STX8: variants seen among roughly 807,000 people sequenced by gnomAD.
STX8 encodes syntaxin 8, also known as syntaxin-8.
Under a neutral mutation model 37.5 loss-of-function variants are expected in STX8, and 23 were observed. The ratio of observed to expected loss-of-function variants is 0.61; its 90% CI spans 0.44 to 0.87. The LOEUF (loss-of-function observed/expected upper bound fraction) is 0.87, where lower values mean the gene tolerates loss of function less well. Ranked by LOEUF, STX8 falls within the 40% of genes least tolerant of loss-of-function variation. The probability of loss-of-function intolerance (pLI) is 0.00; values close to 1 mark genes in which losing one functional copy is unlikely to be tolerated. For synonymous variants in STX8, 115 were observed against 99.1 expected, an observed-to-expected ratio of 1.16 and a Z score of -0.95; for missense variants, 313 against 284.7, an observed-to-expected ratio of 1.10 and a Z score of -0.71.
At chr17:9,493,591 G>C (rs757077152) in intron 5 of STX8, among the ~76,000 whole-genome samples, 13 of 152,180 alleles carry the variant, frequency 8.5e-5, no homozygotes, top group Non-Finnish European at 1.3e-4. Context: ...GCACCACGGG[G>C]GCTTCTGTGA....
chr17:9,368,873 G>A (rs556408943), intron 7 of STX8, among the ~76,000 whole-genome samples: 24 of 151,186 alleles, frequency 1.6e-4, no homozygotes, highest in African/African-American at 5.8e-4. Context: ...GTGATTTACA[G>A]CATGTGTCCC....
chr17:9,472,864 C>A lies in STX8; in HGVS notation c.541+18965G>T, dbSNP rs573164068. On this transcript the variant is annotated intron_variant, in intron 6 of 7. Transcript: ENST00000306357. ...CTTTCTAGTTAGATGGCTTCTCAGC[C>A]TGGCTGCGTGGCCAGGGTCAAGACC... Among the ~76,000 whole-genome samples the A allele has an allele frequency of 1.6e-4, 25 of 152,294 alleles. No homozygotes were observed. The South Asian group carries it at 5.2e-3, about 32-fold the overall frequency.
At chr17:9,452,711 A>G (rs2142404612) in intron 6 of STX8, among the ~76,000 whole-genome samples, 1 of 152,276 alleles carries the variant, frequency 6.6e-6, no homozygotes, top group African/African-American at 2.4e-5. Flanking sequence ...CTCAATGTAT[A>G]AACTTCTACA....
At chr17:9,532,177 T>G (rs75384041) in intron 4 of STX8, among the ~76,000 whole-genome samples, 1 of 150,208 alleles carries the variant, frequency 6.7e-6, no homozygotes, top group Admixed American at 6.6e-5. Flanking sequence ...AAAAAAAAAA[T>G]CCGGACTAAG....
chr17:9,303,213 C>T (rs1288590033), intron 7 of STX8, among the ~76,000 whole-genome samples: 1 of 152,142 alleles, frequency 6.6e-6, no homozygotes, highest in Non-Finnish European at 1.5e-5. Context: ...ATCGCTTGAA[C>T]CCAGGAGGCG....
chr17:9,305,743 T>TTTTTC (rs1419341241), intron 7 of STX8: 1 of 139,646 alleles, frequency 7.2e-6, no homozygotes, highest in African/African-American at 3.0e-5. Context: ...TGCATCTTTT[T>TTTTTC]TTTTTTTTTT....
At chr17:9,570,767 C>A (rs933690465) in intron 1 of STX8, among the ~76,000 whole-genome samples, 27 of 152,040 alleles carry the variant, frequency 1.8e-4, no homozygotes, top group Non-Finnish European at 2.9e-5. Flanking sequence ...TTGCCTCCTG[C>A]CAAATGTGGG....
At chr17:9,285,469 C>T (rs910321827) in intron 7 of STX8, among the ~76,000 whole-genome samples, 1 of 151,996 alleles carries the variant, frequency 6.6e-6, no homozygotes, top group African/African-American at 2.4e-5. Flanking sequence ...ACCTGAGGCC[C>T]TGGACTGCTG....
At chr17:9,253,284 G>GGT (rs1209714584) in intron 7 of STX8, among the ~76,000 whole-genome samples, 1 of 150,100 alleles carries the variant, frequency 6.7e-6, no homozygotes, top group African/African-American at 2.5e-5. Context: ...TAGGGATACG[G>GGT]GTGTGTGTGT....
intron 7 of STX8, among the ~76,000 whole-genome samples, chr17:9,287,336 C>T (rs1302934083): frequency 1.3e-5 from 2 of 152,154 alleles, no homozygotes; most frequent in African/African-American, 4.8e-5. Flanking sequence ...CCTGCCACCA[C>T]CGCACACAAT....
chr17:9,262,960 A>G (rs1289573024), intron 7 of STX8, among the ~76,000 whole-genome samples: 1 of 152,186 alleles, frequency 6.6e-6, no homozygotes, highest in African/African-American at 2.4e-5. Context: ...ATCAGCAAAA[A>G]TCACCAGTTG....
intron 7 of STX8, among the ~76,000 whole-genome samples, chr17:9,333,647 C>A (rs1284377789): frequency 6.6e-6 from 1 of 152,168 alleles, no homozygotes; most frequent in Non-Finnish European, 1.5e-5. Flanking sequence ...CCTTGGCCTC[C>A]CAAAGTGCTC....
intron 6 of STX8, among the ~76,000 whole-genome samples, chr17:9,441,536 C>T (rs1904653458): frequency 6.6e-6 from 1 of 151,852 alleles, no homozygotes; most frequent in Admixed American, 6.6e-5. Flanking sequence ...ATCCTTTGAC[C>T]TTGTTAATCA....
chr17:9,493,986 ATGTTTTGTTTTTTTT>A (rs1205139143), intron 5 of STX8, among the ~76,000 whole-genome samples: 55 of 3,402 alleles, frequency 0.016, no homozygotes, highest in African/African-American at 0.034. Flanking sequence ...AGAAGTTCAT[ATGTTTTGTTTTTTTT>A]TGTTTTGTTT....
chr17:9,459,294 G>A (rs942605124), intron 6 of STX8, among the ~76,000 whole-genome samples: 3 of 152,200 alleles, frequency 2.0e-5, no homozygotes, highest in Non-Finnish European at 2.9e-5. Flanking sequence ...GAGCCTGGAC[G>A]AGGGCCCCCA....
intron 2 of STX8, among the ~76,000 whole-genome samples, chr17:9,563,111 G>C (rs1907309369): frequency 6.6e-6 from 1 of 151,974 alleles, no homozygotes; most frequent in African/African-American, 2.4e-5. Flanking sequence ...TAAGTGAAAA[G>C]ACCAAGATAC....
intron 6 of STX8, chr17:9,469,900 C>G (rs1334347825): frequency 6.6e-6 from 1 of 152,166 alleles, no homozygotes; most frequent in Admixed American, 6.6e-5. Context: ...ACAGAAACAC[C>G]TTGGAGGGTC....
At chr17:9,517,888 G>A (rs1440697110) in intron 4 of STX8, among the ~76,000 whole-genome samples, 1 of 149,920 alleles carries the variant, frequency 6.7e-6, no homozygotes, top group African/African-American at 2.5e-5. Flanking sequence ...GGCATTCCAA[G>A]AAAAGGCAAA....
At chr17:9,381,364 G>A (rs537739103) in intron 6 of STX8, among the ~76,000 whole-genome samples, 1 of 151,968 alleles carries the variant, frequency 6.6e-6, no homozygotes, top group East Asian at 1.9e-4. Flanking sequence ...AGCAAACAAG[G>A]AAATCAAATA....
Sources: allele counts gnomAD v4.1 joint callset (sites outside exome capture counted in the v4.1 genomes callset), GRCh38; gene constraint gnomAD v4.1.1; transcripts MANE v1.5; gene names NCBI Gene and HGNC (gene_info 2026-07-23, HGNC 2026-07-21).